MAT1A: variants seen among roughly 807,000 people sequenced by gnomAD.
MAT1A encodes the protein methionine adenosyltransferase 1A.
Under a neutral mutation model 44.0 loss-of-function variants are expected in MAT1A, and 19 were observed. The ratio of observed to expected loss-of-function variants is 0.43; its 90% confidence interval spans 0.30 to 0.63. The LOEUF (loss-of-function observed/expected upper bound fraction) is 0.63, where lower values mean the gene tolerates loss of function less well. Among genes scored for constraint, MAT1A ranks in the 30% least tolerant of loss-of-function variants. The pLI is 0.12. For missense variants in MAT1A, 397 were observed against 531.0 expected (o/e 0.75, Z 2.48); for synonymous variants, 205 against 205.6 (o/e 1.00, Z 0.03).
At position 80,289,483 on chromosome 10, in the gene MAT1A, C is replaced by T; in HGVS notation, c.-60G>A. The T allele has an allele frequency of 7.7e-7, 1 of 1,304,928 alleles. No individual in the cohort carries two copies. The highest frequency in any genetic ancestry group is 1.8e-5 in the Admixed American group (1 of 55,754). The allele number at this position is 1,304,928 out of a possible 1,614,324, so 80.8% of individuals were successfully genotyped here. On this transcript the variant is annotated 5_prime_UTR_variant, in exon 1 of 9. Transcript: ENST00000372213. Reference sequence around the variant, plus strand: ...GAACAATTTTGAGGCTGTGACTTTGCCTGAGTTTTTTTTTCTTCTTCTTCT... The same window carrying T: ...GAACAATTTTGAGGCTGTGACTTTGTCTGAGTTTTTTTTTCTTCTTCTTCT...
At chr10:80,282,771 T>C (rs1841585271) in intron 3 of MAT1A, among the ~76,000 whole-genome samples, 1 of 152,174 alleles carries the variant, frequency 6.6e-6, no homozygotes, top group African/African-American at 2.4e-5. Flanking sequence ...ACTGAACCTC[T>C]GCGAGTCTGC....
intron 5 of MAT1A, among the ~76,000 whole-genome samples, chr10:80,279,024 G>T (rs1323132083): frequency 6.6e-6 from 1 of 152,232 alleles, no homozygotes; most frequent in African/African-American, 2.4e-5. Context: ...GCAGGCAGAG[G>T]CAGGTAAAGT....
In MAT1A at chr10:80,273,704, G is replaced by T; in HGVS notation, c.*77C>A. 1 of 1,057,350 alleles carries T rather than the reference G, an allele frequency of 9.5e-7. No individual in the cohort carries two copies. The highest frequency in any genetic ancestry group is 1.5e-6 in the Non-Finnish European group (1 of 674,730). 65.5% of individuals were successfully genotyped at this position (1,057,350 alleles called of 1,614,324 possible). On this transcript the variant is annotated 3_prime_UTR_variant, in exon 9 of 9. Coordinates refer to ENST00000372213, the MANE Select transcript of MAT1A (RefSeq NM_000429.3). ...GGTTGGTGGGTGGGGAAGGCGATCA[G>T]CAGCCAGGCGTCTGGGGAAGAGGAG...
chr10:80,277,935 G>C (rs1184867990), intron 5 of MAT1A, among the ~76,000 whole-genome samples: 1 of 152,246 alleles, frequency 6.6e-6, no homozygotes, highest in Non-Finnish European at 1.5e-5. Context: ...GATTTGTTCA[G>C]GTGGAAAGAC....
At chr10:80,278,919 G>C (rs1841524124) in intron 5 of MAT1A, among the ~76,000 whole-genome samples, 1 of 152,242 alleles carries the variant, frequency 6.6e-6, no homozygotes, top group Admixed American at 6.5e-5. Context: ...CTGAAGGAGA[G>C]GTGAAGACCA....
In MAT1A at chr10:80,280,698, ATCC is replaced by A; in HGVS notation, c.384_386del (p.Glu128del). 6.2e-7 allele frequency: 1 copy of A among 1,614,058 alleles called. No homozygotes were observed. The highest frequency in any genetic ancestry group is 2.2e-5 in the East Asian group (1 of 44,874). ...GAGCTACCTGATCTCCTGCCCCCAC[ATCC>A]TCCTCATTTCTGTCCAGATGGACGC... is the stretch of plus-strand genomic sequence containing the variant. On this transcript the variant is annotated inframe_deletion, in exon 4 of 9. Transcript: ENST00000372213.
chr10:80,281,638 C>A (rs1315144368), intron 3 of MAT1A, among the ~76,000 whole-genome samples: 1 of 152,154 alleles, frequency 6.6e-6, no homozygotes, highest in Admixed American at 6.5e-5. Flanking sequence ...TCTCCAAACC[C>A]CCACAGCCAT....
At chr10:80,281,320 A>G (rs1188621402) in intron 3 of MAT1A, among the ~76,000 whole-genome samples, 1 of 152,168 alleles carries the variant, frequency 6.6e-6, no homozygotes, top group Non-Finnish European at 1.5e-5. Flanking sequence ...AGACTCCCCA[A>G]GCCAGGGTCC....
intron 5 of MAT1A, among the ~76,000 whole-genome samples, chr10:80,277,305 G>A (rs777913524): frequency 2.0e-5 from 3 of 152,154 alleles, no homozygotes; most frequent in Non-Finnish European, 2.9e-5. Context: ...ACAGAACCAC[G>A]GGGCAGCAAA....
chr10:80,287,535 ACAAT>A (rs757016440), intron 1 of MAT1A, among the ~76,000 whole-genome samples: 9 of 152,326 alleles, frequency 5.9e-5, no homozygotes, highest in Middle Eastern at 6.8e-3. Context: ...AGTATACAAA[ACAAT>A]CAATTGATTG....
intron 2 of MAT1A, 132 bp from the exon 3 acceptor site, chr10:80,284,170 A>T (rs1841610606): frequency 1.7e-6 from 2 of 1,203,364 alleles, no homozygotes; most frequent in Non-Finnish European, 2.4e-6. Context: ...TTCCAGAAGG[A>T]AAATAGAAAC....
chr10:80,275,398 G>A, intron 6 of MAT1A, 199 bp from the exon 7 acceptor site: 1 of 618,378 alleles, frequency 1.6e-6, no homozygotes, highest in Non-Finnish European at 2.9e-6. Context: ...TTGAAAACAG[G>A]TAACCTGCCA....
chr10:80,274,601 T>C lies in MAT1A; in HGVS notation c.1004A>G (p.Tyr335Cys). 6.2e-7 allele frequency: 1 copy of C among 1,614,200 alleles called. No individual in the cohort carries two copies. Among genetic ancestry groups the C allele is most frequent in the Non-Finnish European group, 8.5e-7 (1 of 1,180,028 alleles). Residue 335 changes from tyrosine to cysteine, a missense_variant, in exon 8 of 9, where the codon TAC becomes TGC. By Grantham distance (194) the Tyr-to-Cys change is radical (BLOSUM62 -2). Coordinates refer to ENST00000372213, the MANE Select transcript of MAT1A (RefSeq NM_000429.3). ...TCGCTCTGTCTTCTGAGAGGTTCCG[T>C]AGGTGAAGATGGAAATGGACAGCGG... ...AEPLSISIFT[Y>C]GTSQKTEREL...
chr10:80,274,460 G>A (rs1841453491), intron 8 of MAT1A, 60 bp downstream of exon 8: 12 of 1,610,280 alleles, frequency 7.5e-6, no homozygotes, highest in Middle Eastern at 1.7e-4. Context: ...TTCAGGTGAG[G>A]TGAGCATCTG....
Position 80,280,176 on chromosome 10 carries a change from A to G in MAT1A, c.546T>C (p.Thr182=), listed in dbSNP as rs1158815802. ...CTGGGGTAATTCAGCTGCTCACCTG[A>G]GTCTTAGAGTCAGGCCGCAGCCAGG... The part of the protein sequence containing the change: ...LLPWLRPDSK[T]QVTVQYMQDN... Residue 182 remains threonine, a synonymous_variant, in exon 5 of 9, where the codon ACT becomes ACC. Coordinates refer to ENST00000372213, the MANE Select transcript of MAT1A (RefSeq NM_000429.3). 2 of 1,613,800 alleles carry G rather than the reference A, an allele frequency of 1.2e-6. No homozygotes were observed. The highest frequency in any genetic ancestry group is 1.7e-6 in the Non-Finnish European group (2 of 1,180,002).
At chr10:80,276,685 A>G (rs1157847581) in intron 5 of MAT1A, 91 bp from the exon 6 acceptor site, 59 of 1,295,804 alleles carry the variant, frequency 4.6e-5, no homozygotes, top group Non-Finnish European at 6.2e-5. Flanking sequence ...GGAGGTGGGC[A>G]GGGCTCCCAG....
intron 3 of MAT1A, among the ~76,000 whole-genome samples, chr10:80,281,052 A>G (rs191394376): frequency 1.5e-3 from 228 of 151,538 alleles, no homozygotes; most frequent in African/African-American, 4.7e-3. Flanking sequence ...ACCTTGGTTA[A>G]CACACACACA....
In MAT1A at chr10:80,280,252, G is replaced by C; in HGVS notation, c.470C>G (p.Ala157Gly). The change falls in exon 5 of 9, where the codon GCT becomes GGT. Residue 157 changes from alanine (A) to glycine (G), a missense_variant. Transcript: ENST00000372213. ...EECMPLTIIL[A>G]HKLNARMADL... is the part of the protein sequence containing the mutation. ...TGCCATCCGGGCGTTGAGCTTGTGA[G>C]CAAGGATGATGGTGAGGGGCATGCA... is the stretch of plus-strand genomic sequence containing the variant. 11 of 1,614,106 alleles carry C rather than the reference G, an allele frequency of 6.8e-6. No individual in the cohort carries two copies. The highest frequency in any genetic ancestry group is 9.3e-6 in the Non-Finnish European group (11 of 1,180,024).
intron 1 of MAT1A, among the ~76,000 whole-genome samples, chr10:80,285,918 CG>C (rs1190161696): frequency 6.6e-6 from 1 of 150,516 alleles, no homozygotes. Context: ...CTCCACCTCC[CG>C]GGTTCAAGCA....
Sources: gnomAD v4.1 joint callset for allele counts (sites outside exome capture counted in the v4.1 genomes callset) on GRCh38, gnomAD v4.1.1 for gene constraint, MANE v1.5 for transcripts, NCBI Gene and HGNC (gene_info 2026-07-23, HGNC 2026-07-21) for gene names.